Variants in ADAMTS3 observed in about 807,000 individuals in gnomAD.
ADAMTS3 encodes the protein ADAM metallopeptidase with thrombospondin type 1 motif 3.
In ADAMTS3, 73 loss-of-function variants were observed where a neutral mutation model predicts 129.0. That is an observed-to-expected ratio of 0.57 (90% CI 0.47 to 0.69). The LOEUF is 0.69. Ranked by LOEUF, ADAMTS3 falls within the 30% of genes least tolerant of loss-of-function variation. ADAMTS3 has a pLI of 0.00. For missense variants in ADAMTS3, 1,457 were observed against 1,514.5 expected (o/e 0.96, Z 0.63); for synonymous variants, 477 against 510.8 (o/e 0.93, Z 0.89).
At chr4:72,519,103 G>A (rs1230307482) in intron 3 of ADAMTS3, among the ~76,000 whole-genome samples, 53 of 151,412 alleles carry the variant, frequency 3.5e-4, no homozygotes, top group African/African-American at 1.2e-3. Context: ...ATGAAGCTTA[G>A]TTTGGCTGGA....
intron 3 of ADAMTS3, among the ~76,000 whole-genome samples, chr4:72,460,142 C>A (rs1718726540): frequency 6.6e-6 from 1 of 151,408 alleles, no homozygotes; most frequent in Non-Finnish European, 1.5e-5. Context: ...CCTCCCCGCC[C>A]CCACTTTTTT....
At chr4:72,460,784 T>C (rs1472620280) in intron 3 of ADAMTS3, among the ~76,000 whole-genome samples, 1 of 151,544 alleles carries the variant, frequency 6.6e-6, no homozygotes, top group Non-Finnish European at 1.5e-5. Context: ...AAACTGAAGA[T>C]ACCACTATAA....
chr4:72,438,744 C>A (rs1718034976), intron 3 of ADAMTS3, among the ~76,000 whole-genome samples: 1 of 151,760 alleles, frequency 6.6e-6, no homozygotes, highest in Admixed American at 6.6e-5. Context: ...GAACAACCTT[C>A]TGGTTTGCCT....
chr4:72,466,319 T>C (rs1718916877), intron 3 of ADAMTS3, among the ~76,000 whole-genome samples: 1 of 152,006 alleles, frequency 6.6e-6, no homozygotes, highest in Admixed American at 6.6e-5. Flanking sequence ...TGCATCCTTG[T>C]AGTCCATGGT....
At chr4:72,494,740 G>A (rs1232505439) in intron 3 of ADAMTS3, among the ~76,000 whole-genome samples, 8 of 152,070 alleles carry the variant, frequency 5.3e-5, no homozygotes, top group Non-Finnish European at 4.4e-5. Context: ...TTTACCTAAG[G>A]TAGGGTGTGA....
chr4:72,320,950 T>C (rs550722227), intron 6 of ADAMTS3, 80 bp from the exon 7 acceptor site: 1 of 1,441,406 alleles, frequency 6.9e-7, no homozygotes, highest in South Asian at 1.3e-5. Flanking sequence ...GAAGCTGAAT[T>C]TGGGATTAAA....
At chr4:72,543,898 A>G (rs952696678) in intron 3 of ADAMTS3, among the ~76,000 whole-genome samples, 1 of 152,146 alleles carries the variant, frequency 6.6e-6, no homozygotes. Flanking sequence ...ATCACAAAAA[A>G]ATATTGGAAG....
intron 8 of ADAMTS3, 96 bp from the exon 9 acceptor site, chr4:72,319,571 T>C: frequency 7.1e-7 from 1 of 1,406,100 alleles, no homozygotes; most frequent in East Asian, 2.4e-5. Flanking sequence ...AACGTATTTT[T>C]GAGTCAACGT....
chr4:72,361,267 T>C (rs1279661666), intron 4 of ADAMTS3, among the ~76,000 whole-genome samples: 1 of 152,182 alleles, frequency 6.6e-6, no homozygotes, highest in East Asian at 1.9e-4. Context: ...AATTATATTA[T>C]CTCACAAATT....
chr4:72,542,174 C>CT (rs5859328), intron 3 of ADAMTS3, among the ~76,000 whole-genome samples: 99,899 of 151,846 alleles, frequency 0.66, 33,507 homozygotes, highest in African/African-American at 0.8. Flanking sequence ...GTTTTGTTTT[C>CT]TTTGTTTTGA....
intron 4 of ADAMTS3, among the ~76,000 whole-genome samples, chr4:72,386,064 T>C (rs1721439265): frequency 6.6e-6 from 1 of 152,114 alleles, no homozygotes; most frequent in African/African-American, 2.4e-5. Flanking sequence ...CCATCATCTA[T>C]ATGGGTATAT....
intron 3 of ADAMTS3, among the ~76,000 whole-genome samples, chr4:72,492,271 T>G (rs1023729764): frequency 6.6e-6 from 1 of 151,674 alleles, no homozygotes; most frequent in Non-Finnish European, 1.5e-5. Flanking sequence ...TCTTTTCTAA[T>G]TTTTATTGTG....
At chr4:72,345,833 C>T (rs1420794329) in intron 4 of ADAMTS3, among the ~76,000 whole-genome samples, 2 of 152,034 alleles carry the variant, frequency 1.3e-5, no homozygotes, top group Non-Finnish European at 2.9e-5. Flanking sequence ...TGATTATTAG[C>T]AAATGAAATT....
intron 3 of ADAMTS3, among the ~76,000 whole-genome samples, chr4:72,467,564 G>A (rs1003214856): frequency 2.0e-5 from 3 of 151,832 alleles, no homozygotes; most frequent in African/African-American, 7.3e-5. Flanking sequence ...CAATTTAAAA[G>A]TCTACTGTCC....
rs868637517 is a variant in ADAMTS3, at chr4:72,459,027, A to G, written c.505-44056T>C. On this transcript the variant is annotated intron_variant, in intron 3 of 21. Coordinates refer to ENST00000286657, the MANE Select transcript of ADAMTS3 (RefSeq NM_014243.3). ...AACAAAAAAACAATTTTGTATACAA[A>G]AAGTTCTTTTTACTTCTGAAAAACA... Among the ~76,000 whole-genome samples, 3 of 151,794 alleles carry G rather than the reference A, an allele frequency of 2.0e-5. No homozygotes were observed. In the Admixed American group the frequency reaches 2.0e-4, roughly 10 times the overall value.
intron 4 of ADAMTS3, among the ~76,000 whole-genome samples, chr4:72,390,919 CT>C (rs1261426160): frequency 3.4e-5 from 5 of 146,808 alleles, no homozygotes; most frequent in South Asian, 2.1e-4. Flanking sequence ...ACTGGCTAAA[CT>C]TTTTTTTTAA....
chr4:72,312,370 T>C lies in ADAMTS3; in HGVS notation c.1842A>G (p.Ala614=), dbSNP rs201098135. 6.2e-7 allele frequency: 1 copy of C among 1,613,868 alleles called. No homozygotes were observed. Among genetic ancestry groups the C allele is most frequent in the East Asian group, 2.2e-5 (1 of 44,846 alleles). ...GGGAGTTTCGCTGCTGACACTGCTGTGCTCTGAAGTCCTCAAAGTGTTTTT... is the reference window on the plus strand; with the variant it reads ...GGGAGTTTCGCTGCTGACACTGCTGCGCTCTGAAGTCCTCAAAGTGTTTTT... ...ECQKHFEDFR[A]QQCQQRNSHF... is the part of the protein sequence containing the mutation. Residue 614 remains alanine (A), a synonymous_variant, in exon 13 of 22, where the codon GCA becomes GCG. Transcript: ENST00000286657.
At chr4:72,536,997 A>G (rs572661231) in intron 3 of ADAMTS3, among the ~76,000 whole-genome samples, 14 of 152,356 alleles carry the variant, frequency 9.2e-5, no homozygotes, top group South Asian at 6.2e-4. Flanking sequence ...TTCCCCACTA[A>G]GGCAACAATC....
chr4:72,383,974 A>C (rs1345705964), intron 4 of ADAMTS3, among the ~76,000 whole-genome samples: 1 of 151,870 alleles, frequency 6.6e-6, no homozygotes, highest in East Asian at 1.9e-4. Context: ...ACAATTAAAA[A>C]TAACTAAAAA....
Sources: allele counts gnomAD v4.1 joint callset (sites outside exome capture counted in the v4.1 genomes callset), GRCh38; gene constraint gnomAD v4.1.1; transcripts MANE v1.5; gene names NCBI Gene and HGNC (gene_info 2026-07-23, HGNC 2026-07-21).